The following NDE1 variants were observed in gnomAD, a reference collection of about 807,000 sequenced individuals.
The protein encoded by NDE1 is nuclear distribution protein nudE homolog 1.
In NDE1, 28 loss-of-function variants were observed where a neutral mutation model predicts 43.4. The ratio of observed to expected loss-of-function variants is 0.65; its 90% CI spans 0.48 to 0.89. The LOEUF (loss-of-function observed/expected upper bound fraction) is 0.89. Ranked by LOEUF, NDE1 falls within the 40% of genes least tolerant of loss-of-function variation. The pLI is 0.00. For missense variants in NDE1, 441 were observed against 434.1 expected, an observed-to-expected ratio of 1.02 and a Z score of -0.14; for synonymous variants, 184 against 172.0, an observed-to-expected ratio of 1.07 and a Z score of -0.55.
At chr16:15,721,104 AT>A in intron 8 of NDE1, 1 of 1,592,424 alleles carries the variant, frequency 6.3e-7, no homozygotes. Flanking sequence ...CATGAAGACG[AT>A]TGAGAAACCC....
intron 1 of NDE1, among the ~76,000 whole-genome samples, chr16:15,654,474 A>G (rs978600145): frequency 8.5e-4 from 128 of 151,444 alleles, no homozygotes; most frequent in African/African-American, 2.9e-3. Context: ...GGTGGCATGC[A>G]CCTGTAATCC....
At position 15,715,137 on chromosome 16, in the gene NDE1, C is replaced by T. The variant is rs747096828; in HGVS notation, c.948-9054C>T. ...GGAGGCCGGCTGGGGGCTGGGGGCT[C>T]GAGGGAGGCTGGGTGGCAGGGGCTA... is the stretch of plus-strand genomic sequence containing the variant. On this transcript the variant is annotated intron_variant, in intron 8 of 8. Coordinates refer to ENST00000396354, the MANE Select transcript of NDE1 (RefSeq NM_017668.3). 36 of 1,612,368 alleles carry T rather than the reference C, an allele frequency of 2.2e-5. No homozygotes were observed. In the Admixed American group the frequency reaches 2.3e-4, roughly 10 times the overall value.
rs368269107 is a variant in NDE1 at position 15,717,273 on chromosome 16, C to G, written c.948-6918C>G. 1.1e-5 allele frequency: 17 copies of G among 1,613,798 alleles called. No homozygotes were observed. Among genetic ancestry groups the G allele is most frequent in the Middle Eastern group, 1.6e-4 (1 of 6,082 alleles). ...CTCCGGAGCTCCTTGTTCTGCCGCT[C>G]GAGCTGCTGCCGGGCACTCTCATTC... On this transcript the variant is annotated intron_variant, in intron 8 of 8. Transcript: ENST00000396354.
chr16:15,718,908 A>G, intron 8 of NDE1: 1 of 425,852 alleles, frequency 2.3e-6, no homozygotes, highest in Non-Finnish European at 4.4e-6. Context: ...TAGGAGGATC[A>G]CCTAAGGTCA....
At chr16:15,644,530 T>C (rs1222363972) in intron 1 of NDE1, among the ~76,000 whole-genome samples, 1 of 152,188 alleles carries the variant, frequency 6.6e-6, no homozygotes, top group African/African-American at 2.4e-5. Context: ...GTATTCCCAA[T>C]ACTTTGAGAG....
intron 3 of NDE1, among the ~76,000 whole-genome samples, chr16:15,675,687 A>G (rs577384003): frequency 7.6e-4 from 115 of 152,080 alleles, no homozygotes; most frequent in Non-Finnish European, 1.1e-3. Flanking sequence ...TGCCACCTGA[A>G]AGTGCTGGGA....
intron 8 of NDE1, chr16:15,721,208 C>A (rs2040458288): frequency 1.0e-6 from 1 of 973,602 alleles, no homozygotes; most frequent in East Asian, 2.6e-5. Context: ...AGAGTTCAGA[C>A]CCCAGCCTTA....
chr16:15,681,864 C>G (rs1372484123), intron 4 of NDE1, among the ~76,000 whole-genome samples: 1 of 152,120 alleles, frequency 6.6e-6, no homozygotes, highest in South Asian at 2.1e-4. Flanking sequence ...CAGGCGCCCA[C>G]TGCCACGCCT....
chr16:15,685,220 G>A (rs994575114), intron 4 of NDE1, among the ~76,000 whole-genome samples: 5 of 152,074 alleles, frequency 3.3e-5, no homozygotes, highest in African/African-American at 1.2e-4. Context: ...ATTGTACTCC[G>A]AAGTATTATC....
At chr16:15,649,024 C>G (rs539668838), upstream of NDE1, among the ~76,000 whole-genome samples, 1 of 151,634 alleles carries the variant, frequency 6.6e-6, no homozygotes, top group Admixed American at 6.6e-5. Context: ...GGTGAAACCC[C>G]GTCTCTACTA....
chr16:15,677,675 C>G (rs1433770880), intron 3 of NDE1, 126 bp from the exon 4 acceptor site: 14 of 987,696 alleles, frequency 1.4e-5, no homozygotes, highest in Non-Finnish European at 2.2e-5. Context: ...CCTCTAACTC[C>G]TGGGCTCAGG....
Position 15,714,901 on chromosome 16 carries a change from C to T in NDE1, c.948-9290C>T, listed in dbSNP as rs367631852. 1.9e-6 allele frequency: 3 copies of T among 1,613,282 alleles called. No individual in the cohort carries two copies. The highest frequency in any genetic ancestry group is 2.7e-5 in the African/African-American group (2 of 74,926). On this transcript the variant is annotated intron_variant, in intron 8 of 8. Coordinates refer to ENST00000396354, the MANE Select transcript of NDE1 (RefSeq NM_017668.3). ...AGACGGGGTCCTCCCGGGCCACGGGCTCCTCACCTGAGCTTGCTCTTGAGT... is the reference window on the plus strand; with the variant it reads ...AGACGGGGTCCTCCCGGGCCACGGGTTCCTCACCTGAGCTTGCTCTTGAGT...
chr16:15,683,754 A>G (rs2038298102), intron 4 of NDE1, among the ~76,000 whole-genome samples: 1 of 152,206 alleles, frequency 6.6e-6, no homozygotes, highest in South Asian at 2.1e-4. Flanking sequence ...GAGATAGCTC[A>G]TGCCTGTAAT....
chr16:15,644,589 G>A (rs1468735554), intron 1 of NDE1, among the ~76,000 whole-genome samples: 2 of 152,118 alleles, frequency 1.3e-5, no homozygotes, highest in Admixed American at 6.6e-5. Context: ...ACTAGACTGG[G>A]AAACGGTGAA....
chr16:15,663,389 G>A lies in NDE1; in HGVS notation c.-43-1347G>A, dbSNP rs1048285774. 2.6e-5 allele frequency among the ~76,000 whole-genome samples: 4 copies of A among 151,840 alleles called. No individual in the cohort carries two copies. In the South Asian group the frequency reaches 8.3e-4, roughly 32 times the overall value. ...TGAGTAGCTGGGAGTATGGGTGCCC[G>A]CCACCACGCCCAGCTAATTTTTGTA... On this transcript the variant is annotated intron_variant, in intron 1 of 8. Coordinates refer to ENST00000396354, the MANE Select transcript of NDE1 (RefSeq NM_017668.3).
intron 3 of NDE1, among the ~76,000 whole-genome samples, chr16:15,668,120 T>A (rs1338142172): frequency 6.6e-6 from 1 of 151,886 alleles, no homozygotes; most frequent in Non-Finnish European, 1.5e-5. Flanking sequence ...TCCCAGCACT[T>A]TGGGAGGCTG....
At chr16:15,719,261 C>G in intron 8 of NDE1, 2 of 1,613,492 alleles carry the variant, frequency 1.2e-6, no homozygotes, top group Non-Finnish European at 1.7e-6. Flanking sequence ...CCAGTTCCTC[C>G]TTCTCGAGGT....
chr16:15,677,090 A>G (rs892584375), intron 3 of NDE1, among the ~76,000 whole-genome samples: 1 of 152,108 alleles, frequency 6.6e-6, no homozygotes, highest in Non-Finnish European at 1.5e-5. Flanking sequence ...TCAGGACATA[A>G]TTAAAACAGT....
intron 1 of NDE1, among the ~76,000 whole-genome samples, chr16:15,656,812 A>T (rs771588053): frequency 1.3e-5 from 2 of 152,092 alleles, no homozygotes; most frequent in Non-Finnish European, 2.9e-5. Flanking sequence ...AAGTATCAGG[A>T]TTACAGGCAT....
Sources: allele counts gnomAD v4.1 joint callset (sites outside exome capture counted in the v4.1 genomes callset), GRCh38; gene constraint gnomAD v4.1.1; transcripts MANE v1.5; gene names NCBI Gene and HGNC (gene_info 2026-07-23, HGNC 2026-07-21).